Variants in GTF3A observed in about 807,000 individuals in gnomAD.
The protein encoded by GTF3A is transcription factor IIIA.
In GTF3A, 40 loss-of-function variants were observed where a neutral mutation model predicts 37.6. The ratio of observed to expected loss-of-function variants is 1.06; its 90% CI spans 0.83 to 1.38. The LOEUF is 1.38. Ranked by LOEUF, GTF3A falls within the 40% of genes most tolerant of loss-of-function variation. The pLI is 0.00. For synonymous variants in GTF3A, 191 were observed against 166.7 expected, an observed-to-expected ratio of 1.15 and a Z score of -1.12; for missense variants, 500 against 462.6, an observed-to-expected ratio of 1.08 and a Z score of -0.74.
intron 4 of GTF3A, among the ~76,000 whole-genome samples, chr13:27,432,142 C>T (rs528523428): frequency 6.6e-5 from 10 of 152,324 alleles, no homozygotes; most frequent in Admixed American, 2.6e-4. Context: ...AAAGGGCCAG[C>T]GGCTCTCTGC....
In GTF3A at chr13:27,434,172, CA is replaced by C; in HGVS notation, c.601del (p.Thr201HisfsTer6). On this transcript the variant is annotated frameshift_variant, in exon 6 of 9. Transcript: ENST00000381140. LOFTEE classifies it high-confidence loss of function. The stretch of plus-strand genomic sequence containing the variant: ...TGTCAAAAAGGATGTTCCTTTGTGG[CA>C]AAAACATGGACGGAACTTCTGAAAC... 7.0e-6 allele frequency: 10 copies of C among 1,427,702 alleles called. No homozygotes were observed. The highest frequency in any genetic ancestry group is 9.9e-6 in the Non-Finnish European group (10 of 1,010,060). 88.4% of individuals were successfully genotyped at this position (1,427,702 alleles called of 1,614,324 possible). A position where few individuals can be genotyped will look rare whatever the true frequency, so the allele number is the denominator to read the frequency against.
rs902812571 is a variant in GTF3A at position 27,429,964 on chromosome 13, A to G, written c.397A>G (p.Ile133Val). 2.8e-6 allele frequency: 4 copies of G among 1,447,756 alleles called. No individual in the cohort carries two copies. Among genetic ancestry groups the G allele is most frequent in the Non-Finnish European group, 2.8e-6 (3 of 1,069,310 alleles). The allele number at this position is 1,447,756 out of a possible 1,614,324, so 89.7% of individuals were successfully genotyped here. Residue 133 changes from isoleucine to valine, a missense_variant and splice_region_variant, in exon 3 of 9, where the codon ATA becomes GTA. By Grantham distance (29) the Ile-to-Val change is conservative. Coordinates refer to ENST00000381140, the MANE Select transcript of GTF3A (RefSeq NM_002097.3). Reference sequence around the variant, plus strand: ...ACATGAAAATCAACAAAAACAATATATAGTAAGTATGATTTTATATGCTTA... The same window carrying G: ...ACATGAAAATCAACAAAAACAATATGTAGTAAGTATGATTTTATATGCTTA...
In GTF3A at chr13:27,424,908, T is replaced by G. The variant is rs966580834; in HGVS notation, c.171T>G (p.Leu57=). Residue 57 remains leucine, a synonymous_variant, in exon 1 of 9, where the codon CTT becomes CTG. Coordinates refer to ENST00000381140, the MANE Select transcript of GTF3A (RefSeq NM_002097.3). ...CCAATTACAGCAAAGCCTGGAAGCTTGACGCGCACCTGTGCAAGCACACGG... is the reference window on the plus strand; with the variant it reads ...CCAATTACAGCAAAGCCTGGAAGCTGGACGCGCACCTGTGCAAGCACACGG... 17 of 1,549,646 alleles carry G rather than the reference T, an allele frequency of 1.1e-5. No individual in the cohort carries two copies. Among genetic ancestry groups the G allele is most frequent in the African/African-American group, 2.7e-5 (2 of 72,954 alleles).
At position 27,435,586 on chromosome 13, in the gene GTF3A, AC is replaced by A. The variant is rs60932480; in HGVS notation, c.1090del (p.Gly365AlafsTer64). The A allele has an allele frequency of 3.7e-6, 6 of 1,613,744 alleles. No individual in the cohort carries two copies. The African/African-American group carries it at 6.7e-5, about 18-fold the overall frequency. On this transcript the variant is annotated frameshift_variant, in exon 9 of 9. Coordinates refer to ENST00000381140, the MANE Select transcript of GTF3A (RefSeq NM_002097.3). LOFTEE classifies it high-confidence loss of function. ...GATGCTCTCGACAGTTGCAGTACTTACCCTTGGCTAAGAACTGCACTGCTTT... is the reference window on the plus strand; with the variant it reads ...GATGCTCTCGACAGTTGCAGTACTTACCTTGGCTAAGAACTGCACTGCTTT...
At position 27,430,568 on chromosome 13, in the gene GTF3A, A is replaced by G; in HGVS notation, c.435A>G (p.Lys145=). 1 of 1,612,552 alleles carries G rather than the reference A, an allele frequency of 6.2e-7. No individual in the cohort carries two copies. The highest frequency in any genetic ancestry group is 8.5e-7 in the Non-Finnish European group (1 of 1,178,790). The change falls in exon 4 of 9, where the codon AAA becomes AAG. Residue 145 remains lysine (K), a synonymous_variant. Coordinates refer to ENST00000381140, the MANE Select transcript of GTF3A (RefSeq NM_002097.3). ...AAGACTGTAAGAAGACCTTTAAGAA[A>G]CATCAGCAGCTGAAAATCCATCAGT... is the stretch of plus-strand genomic sequence containing the variant.
chr13:27,434,470 GCTGTT>G (rs1196559492), intron 6 of GTF3A, among the ~76,000 whole-genome samples: 14 of 152,218 alleles, frequency 9.2e-5, no homozygotes, highest in African/African-American at 3.4e-4. Flanking sequence ...GGGAGGCACT[GCTGTT>G]CTGTGGGACC....
chr13:27,433,940 G>C (rs1373016709), intron 5 of GTF3A, among the ~76,000 whole-genome samples, 199 bp from the exon 6 acceptor site: 1 of 152,174 alleles, frequency 6.6e-6, no homozygotes, highest in Non-Finnish European at 1.5e-5. Context: ...TCCTTAAAGG[G>C]AGGCACCTTG....
At chr13:27,425,007 C>A (rs1423793962) in intron 1 of GTF3A, 69 bp downstream of exon 1, 5 of 1,199,628 alleles carry the variant, frequency 4.2e-6, no homozygotes, top group South Asian at 2.8e-5. Context: ...CCACTGCAGT[C>A]GTGGCCAGGG....
Position 27,424,659 on chromosome 13 carries a change from G to C in GTF3A, c.-79G>C. On this transcript the variant is annotated 5_prime_UTR_variant, in exon 1 of 9. Transcript: ENST00000381140. ...GCGCGAAGGTTCAGCAGGGAGCCGT[G>C]GGCCGGGCGCGCCGGTTCCCGGCAC... The C allele has an allele frequency of 9.1e-7, 1 of 1,094,826 alleles. No individual in the cohort carries two copies. The highest frequency in any genetic ancestry group is 1.2e-6 in the Non-Finnish European group (1 of 828,054). 67.8% of individuals were successfully genotyped at this position (1,094,826 alleles called of 1,614,324 possible).
chr13:27,430,664 G>T, intron 4 of GTF3A, 43 bp downstream of exon 4: 1 of 1,239,684 alleles, frequency 8.1e-7, no homozygotes. Flanking sequence ...TTCTAGGTGT[G>T]AATAAGATTG....
At chr13:27,428,849 T>C (rs528332205) in intron 2 of GTF3A, among the ~76,000 whole-genome samples, 2 of 152,288 alleles carry the variant, frequency 1.3e-5, no homozygotes, top group South Asian at 4.1e-4. Context: ...TTAACCTCAC[T>C]GTGATGCCTG....
intron 2 of GTF3A, among the ~76,000 whole-genome samples, chr13:27,429,564 T>C (rs1449266508): frequency 6.6e-6 from 1 of 152,204 alleles, no homozygotes; most frequent in African/African-American, 2.4e-5. Context: ...TAAGCATGAT[T>C]TAGGCCTAGT....
rs74241719 is a variant in GTF3A, at chr13:27,427,253, A to G, written c.302+61A>G. On this transcript the variant is annotated intron_variant, in intron 2 of 8. Coordinates refer to ENST00000381140, the MANE Select transcript of GTF3A (RefSeq NM_002097.3). ...GTTGTGTTGGGCATATAGACCCAGT[A>G]AGAAGATTGATGTTAACTCACGAGA... The G allele has an allele frequency of 1.4e-3, 1,130 of 793,912 alleles. 16 individuals carry two copies. The East Asian group carries it at 0.025, about 18-fold the overall frequency. 49.2% of individuals were successfully genotyped at this position (793,912 alleles called of 1,614,324 possible). A position where few individuals can be genotyped will look rare whatever the true frequency, so the allele number is the denominator to read the frequency against.
At chr13:27,427,274 C>A (rs1182366409) in intron 2 of GTF3A, 82 bp downstream of exon 2, 2 of 734,246 alleles carry the variant, frequency 2.7e-6, no homozygotes, top group East Asian at 2.7e-5. Context: ...TGTTAACTCA[C>A]GAGATCAGGA....
intron 2 of GTF3A, chr13:27,429,298 G>GAAAAA (rs1953636106): frequency 2.5e-5 from 1 of 40,772 alleles, no homozygotes; most frequent in Non-Finnish European, 7.9e-5. Context: ...TTTTCTTTTG[G>GAAAAA]GAAAAAAAAA....
Position 27,435,439 on chromosome 13 carries a change from A to C in GTF3A, c.940A>C (p.Lys314Gln). 4 of 1,612,068 alleles carry C rather than the reference A, an allele frequency of 2.5e-6. No homozygotes were observed. Among genetic ancestry groups the C allele is most frequent in the Non-Finnish European group, 3.4e-6 (4 of 1,178,912 alleles). Residue 314 changes from lysine to glutamine, a missense_variant, in exon 9 of 9, where the codon AAA (lysine) becomes CAA (glutamine). Transcript: ENST00000381140. ...GTCTTCCTTATTCCCAAAGGTCAAA[A>C]AATCTCGTGAAAAACGGAGTTTGGC...
Position 27,430,435 on chromosome 13 carries a change from TAC to T in GTF3A, c.400-96_400-95del, listed in dbSNP as rs775838651. 29 of 698,346 alleles carry T rather than the reference TAC, an allele frequency of 4.2e-5. 1 individual carries two copies. Among genetic ancestry groups the T allele is most frequent in the Middle Eastern group, 2.9e-4 (1 of 3,504 alleles). 43.3% of individuals were successfully genotyped at this position (698,346 alleles called of 1,614,324 possible). The stretch of plus-strand genomic sequence containing the variant: ...AAAATGGGTGAAAGCAGAAATTTTA[TAC>T]AGTCTCCAAAATTGTTTTATCTTGA... On this transcript the variant is annotated intron_variant, in intron 3 of 8. Coordinates refer to ENST00000381140, the MANE Select transcript of GTF3A (RefSeq NM_002097.3).
chr13:27,435,134 A>AAAGT lies in GTF3A; in HGVS notation c.876_879dup (p.Leu294LysfsTer4). The AAAGT allele has an allele frequency of 3.7e-6, 6 of 1,609,438 alleles. No homozygotes were observed. Among genetic ancestry groups the AAAGT allele is most frequent in the Non-Finnish European group, 5.1e-6 (6 of 1,177,094 alleles). ...TAATAACTTTCTCTTTCATTGTAGC[A>AAAGT]AAGTCTCACTAGGCATGCTGTTGTA... is the stretch of plus-strand genomic sequence containing the variant. On this transcript the variant is annotated frameshift_variant and splice_region_variant, in exon 8 of 9. Transcript: ENST00000381140. LOFTEE classifies it high-confidence loss of function.
Position 27,430,630 on chromosome 13 carries a change from T to C in GTF3A, c.488+9T>C, listed in dbSNP as rs764906906. 6.5e-7 allele frequency: 1 copy of C among 1,537,934 alleles called. No homozygotes were observed. The highest frequency in any genetic ancestry group is 9.0e-7 in the Non-Finnish European group (1 of 1,111,616). ...AATGAACCTCTATTCAAGTAGGTAC[T>C]TCATGTGGCTGAAAATGCCTGGATT... is the stretch of plus-strand genomic sequence containing the variant. On this transcript the variant is annotated intron_variant, in intron 4 of 8. Transcript: ENST00000381140.
Sources: allele counts gnomAD v4.1 joint callset (sites outside exome capture counted in the v4.1 genomes callset), GRCh38; gene constraint gnomAD v4.1.1; transcripts MANE v1.5; gene names NCBI Gene and HGNC (gene_info 2026-07-23, HGNC 2026-07-21).